Variants in LRP2 observed in about 807,000 individuals in gnomAD.
LRP2 encodes the protein LDL receptor related protein 2, also known as low-density lipoprotein receptor-related protein 2.
Under a neutral mutation model 531.0 loss-of-function variants are expected in LRP2, and 172 were observed. The observed-to-expected ratio is 0.32, with a 90% CI of 0.29 to 0.37. The LOEUF is 0.37. Ranked by LOEUF, LRP2 falls within the 10% of genes least tolerant of loss-of-function variation. The pLI is 1.00. For missense variants in LRP2, 5,167 were observed against 5,868.3 expected (o/e 0.88, Z 3.90); for synonymous variants, 1,992 against 2,027.6 (o/e 0.98, Z 0.47).
intron 21 of LRP2, 93 bp from the exon 22 acceptor site, chr2:169,245,025 A>G (rs1689953210): frequency 7.4e-7 from 1 of 1,349,028 alleles, no homozygotes; most frequent in Non-Finnish European, 1.1e-6. Context: ...ACCTTTTTTA[A>G]TGGAGGCATT....
chr2:169,261,436 C>G (rs1312387503), intron 16 of LRP2, among the ~76,000 whole-genome samples: 3 of 151,364 alleles, frequency 2.0e-5, no homozygotes, highest in Non-Finnish European at 2.9e-5. Flanking sequence ...AGTGATCCTC[C>G]CAAGTATCTG....
At chr2:169,181,095 A>G (rs1687412833) in intron 52 of LRP2, among the ~76,000 whole-genome samples, 1 of 152,318 alleles carries the variant, frequency 6.6e-6, no homozygotes, top group Non-Finnish European at 1.5e-5. Context: ...TTTATTAATC[A>G]TATATTTCAT....
At chr2:169,283,795 A>G (rs1683769441) in intron 9 of LRP2, among the ~76,000 whole-genome samples, 1 of 152,230 alleles carries the variant, frequency 6.6e-6, no homozygotes, top group Non-Finnish European at 1.5e-5. Flanking sequence ...AGCTCTGTTC[A>G]TTACCAGAGA....
chr2:169,214,510 C>T (rs1688707296), intron 35 of LRP2, among the ~76,000 whole-genome samples: 1 of 152,178 alleles, frequency 6.6e-6, no homozygotes, highest in Non-Finnish European at 1.5e-5. Flanking sequence ...AGTGCCTGCT[C>T]TGTGCCAGGA....
chr2:169,141,068 C>T (rs1685702909), intron 71 of LRP2, among the ~76,000 whole-genome samples: 1 of 152,218 alleles, frequency 6.6e-6, no homozygotes, highest in South Asian at 2.1e-4. Context: ...ACTGCCCTTA[C>T]TCCAAGTCCC....
At chr2:169,199,230 G>A (rs1688105727) in intron 44 of LRP2, among the ~76,000 whole-genome samples, 1 of 152,288 alleles carries the variant, frequency 6.6e-6, no homozygotes, top group South Asian at 2.1e-4. Context: ...ACACAATGGA[G>A]TAATATGTAG....
chr2:169,292,832 CAAAAAAAAAAAAA>C lies in LRP2; in HGVS notation c.653-476_653-464del, dbSNP rs59783436. Among the ~76,000 whole-genome samples, 86 of 107,054 alleles carry C rather than the reference CAAAAAAAAAAAAA, an allele frequency of 8.0e-4. 1 individual carries two copies. The highest frequency in any genetic ancestry group is 2.7e-3 in the African/African-American group (80 of 29,388). 70.2% of individuals were successfully genotyped at this position (107,054 alleles called of 152,430 possible). On this transcript the variant is annotated intron_variant, in intron 6 of 78. Transcript: ENST00000649046. Reference sequence around the variant, plus strand: ...TGGGTGACAGAGTGAGACCCTGTCTCAAAAAAAAAAAAAAAAAAAAAAAAAATTAAAAACAAGA... The same window carrying C: ...TGGGTGACAGAGTGAGACCCTGTCTCAAAAAAAAAAAAATTAAAAACAAGA...
At chr2:169,210,783 T>C (rs972709193) in intron 37 of LRP2, among the ~76,000 whole-genome samples, 1 of 152,230 alleles carries the variant, frequency 6.6e-6, no homozygotes, top group South Asian at 2.1e-4. Context: ...GAATATTTCA[T>C]AATGCCCTTT....
At position 169,173,114 on chromosome 2, in the gene LRP2, T is replaced by G; in HGVS notation, c.11125A>C (p.Ser3709Arg). The change falls in exon 57 of 79, where the codon AGT (serine) becomes CGT (arginine). Residue 3709 changes from serine (S) to arginine (R), a missense_variant. Physicochemically the swap from Ser to Arg is moderately radical, Grantham distance 110. This residue lies in a region of LRP2 where 311 missense variants were observed against 309.4 expected (regional missense o/e 1.01). Coordinates refer to ENST00000649046, the MANE Select transcript of LRP2 (RefSeq NM_004525.3). ...CNGVDDCRDN[S>R]DEQGCEERTC... Reference sequence around the variant, plus strand: ...CTCCTACCACAGCCTTGCTCATCACTGTTGTCCCTGCAGTCATCTACACCA... The same window carrying G: ...CTCCTACCACAGCCTTGCTCATCACGGTTGTCCCTGCAGTCATCTACACCA... 6.2e-7 allele frequency: 1 copy of G among 1,614,198 alleles called. No individual in the cohort carries two copies. Among genetic ancestry groups the G allele is most frequent in the Non-Finnish European group, 8.5e-7 (1 of 1,180,040 alleles).
chr2:169,168,316 T>C (rs1468049027), intron 61 of LRP2, among the ~76,000 whole-genome samples: 1 of 152,020 alleles, frequency 6.6e-6, no homozygotes, highest in Non-Finnish European at 1.5e-5. Flanking sequence ...GACATTGTTT[T>C]CTAAGGCCAT....
At chr2:169,321,527 G>A (rs1275201050) in intron 1 of LRP2, among the ~76,000 whole-genome samples, 15 of 149,756 alleles carry the variant, frequency 1.0e-4, no homozygotes, top group Non-Finnish European at 3.0e-5. Context: ...TGATAACATC[G>A]TGAGTAACTT....
At chr2:169,228,769 G>T (rs960650306) in intron 31 of LRP2, among the ~76,000 whole-genome samples, 1 of 152,156 alleles carries the variant, frequency 6.6e-6, no homozygotes, top group South Asian at 2.1e-4. Context: ...GCAATGCTGC[G>T]CTGGCTGAAA....
At chr2:169,287,610 T>C (rs1185929266) in intron 9 of LRP2, among the ~76,000 whole-genome samples, 1 of 151,612 alleles carries the variant, frequency 6.6e-6, no homozygotes, top group Non-Finnish European at 1.5e-5. Context: ...CTGGTATCAA[T>C]ACATTTTTCT....
At chr2:169,342,305 A>G (rs1470021508) in intron 1 of LRP2, among the ~76,000 whole-genome samples, 1 of 152,172 alleles carries the variant, frequency 6.6e-6, no homozygotes, top group Admixed American at 6.6e-5. Flanking sequence ...TATAAAACAA[A>G]TAACAAGAAT....
chr2:169,132,482 G>C (rs1685329044), intron 77 of LRP2, 92 bp downstream of exon 77: 2 of 784,942 alleles, frequency 2.5e-6, no homozygotes, highest in Non-Finnish European at 4.7e-6. Flanking sequence ...GAGCCTTCCA[G>C]AATCTCCCTT....
intron 1 of LRP2, among the ~76,000 whole-genome samples, chr2:169,351,285 A>C (rs1685839811): frequency 6.6e-6 from 1 of 152,216 alleles, no homozygotes; most frequent in Non-Finnish European, 1.5e-5. Flanking sequence ...TTTGAGAAAA[A>C]ATTGAAAGGT....
intron 4 of LRP2, among the ~76,000 whole-genome samples, chr2:169,299,252 T>A (rs1311465653): frequency 6.6e-6 from 1 of 151,946 alleles, no homozygotes; most frequent in Non-Finnish European, 1.5e-5. Flanking sequence ...AGAATTGAAC[T>A]AACATCAAGT....
chr2:169,140,640 G>A (rs1436821141), intron 71 of LRP2, 95 bp from the exon 72 acceptor site: 1 of 859,396 alleles, frequency 1.2e-6, no homozygotes, highest in East Asian at 2.5e-5. Flanking sequence ...TGGGAGGAGG[G>A]GCAGGCCAGC....
chr2:169,260,374 G>A (rs544920872), intron 16 of LRP2, among the ~76,000 whole-genome samples: 1 of 152,210 alleles, frequency 6.6e-6, no homozygotes, highest in East Asian at 1.9e-4. Context: ...TTCTAGGAGT[G>A]TGGCTGGAGG....
Sources: allele counts gnomAD v4.1 joint callset (sites outside exome capture counted in the v4.1 genomes callset), GRCh38; gene constraint gnomAD v4.1.1; regional missense constraint gnomAD v4.1.1; transcripts MANE v1.5; gene names NCBI Gene and HGNC (gene_info 2026-07-23, HGNC 2026-07-21).